FYN: variants seen among roughly 807,000 people sequenced by gnomAD.
FYN encodes the protein FYN proto-oncogene, Src family tyrosine kinase.
In FYN, 10 loss-of-function variants were observed where a neutral mutation model predicts 70.2. The observed-to-expected ratio is 0.14, with a 90% CI of 0.09 to 0.24. The LOEUF (loss-of-function observed/expected upper bound fraction) is 0.24. Ranked by LOEUF, FYN falls within the 10% of genes least tolerant of loss-of-function variation. The pLI is 1.00. For missense variants in FYN, 319 were observed against 673.1 expected (o/e 0.47, Z 5.82); for synonymous variants, 236 against 248.6 (o/e 0.95, Z 0.48).
chr6:111,772,295 G>A (rs75400509), intron 3 of FYN, among the ~76,000 whole-genome samples: 1,548 of 152,174 alleles, frequency 0.01, 16 homozygotes, highest in Middle Eastern at 0.02. Flanking sequence ...CATACACTAC[G>A]AATAATTCAG....
At chr6:111,765,866 C>T (rs1445889799) in intron 3 of FYN, among the ~76,000 whole-genome samples, 1 of 151,688 alleles carries the variant, frequency 6.6e-6, no homozygotes, top group Non-Finnish European at 1.5e-5. Context: ...AATGAGTGTT[C>T]AAAGCCCTCC....
At chr6:111,775,106 G>C (rs1178571752) in intron 3 of FYN, among the ~76,000 whole-genome samples, 1 of 152,160 alleles carries the variant, frequency 6.6e-6, no homozygotes, top group Admixed American at 6.5e-5. Context: ...AAGGCTGTGG[G>C]GTGGGACCAA....
At chr6:111,786,928 T>C (rs989055116) in intron 2 of FYN, among the ~76,000 whole-genome samples, 2 of 152,252 alleles carry the variant, frequency 1.3e-5, no homozygotes, top group Non-Finnish European at 2.9e-5. Context: ...TTTTTTCTTG[T>C]AAATTTATTT....
intron 2 of FYN, among the ~76,000 whole-genome samples, chr6:111,783,190 C>T (rs1040017467): frequency 6.6e-6 from 1 of 152,188 alleles, no homozygotes. Context: ...ACGAATAGAG[C>T]ATAATGACTT....
chr6:111,711,070 A>G (rs1482424279), intron 5 of FYN, among the ~76,000 whole-genome samples: 2 of 152,156 alleles, frequency 1.3e-5, no homozygotes, highest in Non-Finnish European at 2.9e-5. Flanking sequence ...ACACCAAGAA[A>G]AGTGTCTACC....
At position 111,696,467 on chromosome 6, in the gene FYN, C is replaced by T; in HGVS notation, c.863-11G>A. 1 of 1,571,962 alleles carries T rather than the reference C, an allele frequency of 6.4e-7. No homozygotes were observed. Among genetic ancestry groups the T allele is most frequent in the East Asian group, 2.3e-5 (1 of 43,454 alleles). On this transcript the variant is annotated splice_polypyrimidine_tract_variant and intron_variant, in intron 9 of 13. Transcript: ENST00000354650. ...TTCCATTCCAGGTACCTACAAACAT[C>T]CCAGAATATGAAGTCAAACCAAAGA... is the stretch of plus-strand genomic sequence containing the variant.
At chr6:111,727,417 T>C (rs939376715) in intron 3 of FYN, among the ~76,000 whole-genome samples, 8 of 152,190 alleles carry the variant, frequency 5.3e-5, no homozygotes, top group Non-Finnish European at 7.3e-5. Context: ...TTCTGGAACA[T>C]ATTTACTGCA....
intron 12 of FYN, among the ~76,000 whole-genome samples, chr6:111,692,641 GA>G (rs1799387393): frequency 6.6e-6 from 1 of 152,220 alleles, no homozygotes; most frequent in South Asian, 2.1e-4. Context: ...CAAAGTCCAG[GA>G]AAAGGGGAAA....
At chr6:111,769,372 CA>C (rs1207201383) in intron 3 of FYN, among the ~76,000 whole-genome samples, 1 of 152,192 alleles carries the variant, frequency 6.6e-6, no homozygotes, top group Non-Finnish European at 1.5e-5. Context: ...TCTATCACAA[CA>C]AACTCCAGGA....
chr6:111,833,370 T>A (rs1425408590), intron 2 of FYN, among the ~76,000 whole-genome samples: 3 of 152,252 alleles, frequency 2.0e-5, no homozygotes, highest in Non-Finnish European at 4.4e-5. Context: ...AATATCTGTG[T>A]GCCTCTGCGT....
At chr6:111,726,503 C>T (rs1325552156) in intron 3 of FYN, among the ~76,000 whole-genome samples, 1 of 152,186 alleles carries the variant, frequency 6.6e-6, no homozygotes, top group Non-Finnish European at 1.5e-5. Context: ...AATTTGTCCA[C>T]AGCTATGTCA....
At chr6:111,763,575 GA>G (rs1803092069) in intron 3 of FYN, among the ~76,000 whole-genome samples, 1 of 152,080 alleles carries the variant, frequency 6.6e-6, no homozygotes, top group Admixed American at 6.5e-5. Context: ...ATTTTATTGT[GA>G]ACAATTTCAA....
chr6:111,727,559 T>A (rs893489291), intron 3 of FYN, among the ~76,000 whole-genome samples: 1 of 152,082 alleles, frequency 6.6e-6, no homozygotes, highest in African/African-American at 2.4e-5. Flanking sequence ...GGTGAGAAGA[T>A]AGATGTAAAA....
At chr6:111,865,744 C>T (rs1177263346) in intron 1 of FYN, among the ~76,000 whole-genome samples, 2 of 152,172 alleles carry the variant, frequency 1.3e-5, no homozygotes, top group Non-Finnish European at 2.9e-5. Flanking sequence ...CTTTATAGTT[C>T]ATTCTACCTT....
intron 2 of FYN, among the ~76,000 whole-genome samples, chr6:111,813,249 C>T (rs1772382415): frequency 6.6e-6 from 1 of 152,134 alleles, no homozygotes; most frequent in Non-Finnish European, 1.5e-5. Flanking sequence ...GTTCAAAGAA[C>T]TTCCCCATCC....
chr6:111,703,744 T>C (rs186874971), intron 7 of FYN, among the ~76,000 whole-genome samples: 1 of 152,316 alleles, frequency 6.6e-6, no homozygotes, highest in Admixed American at 6.5e-5. Flanking sequence ...TTCTACGATC[T>C]TGTGTGCCTG....
At chr6:111,765,202 A>G (rs922465317) in intron 3 of FYN, among the ~76,000 whole-genome samples, 2 of 152,016 alleles carry the variant, frequency 1.3e-5, no homozygotes, top group Admixed American at 1.3e-4. Flanking sequence ...TTTTATACCT[A>G]TGTGTGATGG....
At chr6:111,756,931 T>C (rs1266270760) in intron 3 of FYN, among the ~76,000 whole-genome samples, 1 of 152,180 alleles carries the variant, frequency 6.6e-6, no homozygotes, top group East Asian at 1.9e-4. Flanking sequence ...GGATCTGTGC[T>C]ATCCCTACTT....
chr6:111,773,688 A>G (rs1803594115), intron 3 of FYN, among the ~76,000 whole-genome samples: 1 of 135,128 alleles, frequency 7.4e-6, no homozygotes, highest in Non-Finnish European at 1.6e-5. Flanking sequence ...GGAGAAATAC[A>G]AAACAGGAAA....
Sources: gnomAD v4.1 joint callset for allele counts (sites outside exome capture counted in the v4.1 genomes callset) on GRCh38, gnomAD v4.1.1 for gene constraint, MANE v1.5 for transcripts, NCBI Gene and HGNC (gene_info 2026-07-23, HGNC 2026-07-21) for gene names.